Variants in ZPBP observed in about 807,000 individuals in gnomAD.
ZPBP encodes the protein zona pellucida-binding protein 1.
In ZPBP, 26 loss-of-function variants were observed where a neutral mutation model predicts 44.8. That is an observed-to-expected ratio of 0.58 (90% CI 0.43 to 0.81). The LOEUF is 0.81. Among genes scored for constraint, ZPBP ranks in the 30% least tolerant of loss-of-function variants. The probability of loss-of-function intolerance (pLI) is 0.00; values close to 1 mark genes in which losing one functional copy is unlikely to be tolerated. For missense variants in ZPBP, 409 were observed against 434.0 expected (o/e 0.94, Z 0.51); for synonymous variants, 174 against 153.2 (o/e 1.14, Z -1.00).
intron 6 of ZPBP, among the ~76,000 whole-genome samples, chr7:50,015,792 T>C (rs905956781): frequency 4.0e-5 from 6 of 151,796 alleles, no homozygotes; most frequent in Non-Finnish European, 8.8e-5. Context: ...AGCAAGCATA[T>C]GAAAAAGCAT....
chr7:50,038,200 GC>G (rs1357716903), intron 4 of ZPBP, among the ~76,000 whole-genome samples: 1 of 152,192 alleles, frequency 6.6e-6, no homozygotes, highest in Non-Finnish European at 1.5e-5. Context: ...CCCAGCCTCA[GC>G]TTCAGTGCTA....
At chr7:50,020,597 T>G (rs1261984688) in intron 5 of ZPBP, among the ~76,000 whole-genome samples, 1 of 152,106 alleles carries the variant, frequency 6.6e-6, no homozygotes, top group Non-Finnish European at 1.5e-5. Flanking sequence ...TTTAGGCTAG[T>G]TGACTAACCT....
At chr7:50,005,830 T>TGA (rs1410064968) in intron 6 of ZPBP, among the ~76,000 whole-genome samples, 1 of 37,286 alleles carries the variant, frequency 2.7e-5, no homozygotes, top group Non-Finnish European at 9.5e-5. Flanking sequence ...TATATGTGTG[T>TGA]GTGTGTGTGT....
At chr7:50,042,305 A>G (rs565444953) in intron 4 of ZPBP, among the ~76,000 whole-genome samples, 1 of 152,224 alleles carries the variant, frequency 6.6e-6, no homozygotes, top group Non-Finnish European at 1.5e-5. Flanking sequence ...CCAACATTCA[A>G]ATTCAGGAAA....
At chr7:49,997,322 A>G (rs1216328999) in intron 6 of ZPBP, among the ~76,000 whole-genome samples, 3 of 152,192 alleles carry the variant, frequency 2.0e-5, no homozygotes, top group Non-Finnish European at 4.4e-5. Flanking sequence ...TACAATATTA[A>G]CTGCAGAATG....
At chr7:50,090,543 A>T (rs896549617) in intron 1 of ZPBP, among the ~76,000 whole-genome samples, 1 of 151,280 alleles carries the variant, frequency 6.6e-6, no homozygotes, top group Non-Finnish European at 1.5e-5. Flanking sequence ...GTGTGTATAT[A>T]TGTGTGCATA....
chr7:49,853,769 G>A (rs1290989879), intron 2 of ZPBP, among the ~76,000 whole-genome samples: 5 of 151,846 alleles, frequency 3.3e-5, no homozygotes, highest in African/African-American at 7.3e-5. Context: ...CAACGTGCAG[G>A]TTTGTTACAT....
chr7:50,074,543 T>C (rs1801992865), intron 3 of ZPBP, among the ~76,000 whole-genome samples: 1 of 151,770 alleles, frequency 6.6e-6, no homozygotes. Context: ...CCTATAAAGA[T>C]ACACATAGGC....
intron 1 of ZPBP, among the ~76,000 whole-genome samples, chr7:50,090,382 G>T (rs1243936528): frequency 1.3e-5 from 2 of 151,774 alleles, no homozygotes; most frequent in African/African-American, 4.8e-5. Flanking sequence ...ACTTCACTTA[G>T]AATAATAGTC....
chr7:49,996,047 G>A lies in ZPBP; in HGVS notation c.784-12528C>T, dbSNP rs1393203777. On this transcript the variant is annotated intron_variant, in intron 6 of 7. Coordinates refer to ENST00000046087, the MANE Select transcript of ZPBP (RefSeq NM_007009.3). ...CCACACATTAAATTAATAAATGCTCGAGGTGATAGATATTGTAAATGTCCT... is the reference window on the plus strand; with the variant it reads ...CCACACATTAAATTAATAAATGCTCAAGGTGATAGATATTGTAAATGTCCT... Among the ~76,000 whole-genome samples, 5 of 152,190 alleles carry A rather than the reference G, an allele frequency of 3.3e-5. No individual in the cohort carries two copies. In the East Asian group the frequency reaches 5.8e-4, roughly 18 times the overall value.
intron 6 of ZPBP, among the ~76,000 whole-genome samples, chr7:49,989,742 G>T (rs1050108035): frequency 6.6e-6 from 1 of 152,118 alleles, no homozygotes; most frequent in Non-Finnish European, 1.5e-5. Context: ...GGAAAAAAGG[G>T]GTATGGGTAA....
At chr7:49,859,313 TG>T (rs1296737027) in intron 2 of ZPBP, among the ~76,000 whole-genome samples, 8 of 152,242 alleles carry the variant, frequency 5.3e-5, no homozygotes, top group African/African-American at 1.7e-4. Context: ...TTATCTTTTA[TG>T]TTTTTTTATT....
intron 2 of ZPBP, among the ~76,000 whole-genome samples, chr7:49,866,096 TC>T (rs1790872473): frequency 1.3e-5 from 2 of 152,236 alleles, no homozygotes; most frequent in African/African-American, 4.8e-5. Flanking sequence ...GTTTCATTCT[TC>T]CATCCAGCAA....
At chr7:49,873,906 T>A (rs1791284507) in intron 2 of ZPBP, among the ~76,000 whole-genome samples, 1 of 146,454 alleles carries the variant, frequency 6.8e-6, no homozygotes, top group African/African-American at 2.5e-5. Context: ...TATAATTAAG[T>A]AAAAAAAAAA....
rs1300691837 is a variant in ZPBP, at chr7:49,945,366, T to C, written c.962-7744A>G. Among the ~76,000 whole-genome samples the C allele has an allele frequency of 5.3e-5, 8 of 152,128 alleles. No homozygotes were observed. In the East Asian group the frequency reaches 1.2e-3, roughly 22 times the overall value. ...TGAATATGGCTATTAGGTTCATTTG[T>C]TGTATAGTAGAGATTAAGCCTGATA... On this transcript the variant is annotated intron_variant, in intron 7 of 7. Coordinates refer to ENST00000046087, the MANE Select transcript of ZPBP (RefSeq NM_007009.3).
chr7:49,862,513 G>A (rs2128720649), intron 2 of ZPBP, among the ~76,000 whole-genome samples: 1 of 152,186 alleles, frequency 6.6e-6, no homozygotes, highest in Non-Finnish European at 1.5e-5. Context: ...GAATAGCAGT[G>A]GTGAAATTGG....
chr7:49,898,228 CACAA>C (rs920800910), intron 2 of ZPBP, among the ~76,000 whole-genome samples: 4 of 151,792 alleles, frequency 2.6e-5, no homozygotes, highest in Admixed American at 2.0e-4. Flanking sequence ...TATACACACA[CACAA>C]ACACACAGAT....
At chr7:49,857,381 TGAA>T (rs1790469397) in intron 2 of ZPBP, among the ~76,000 whole-genome samples, 1 of 152,234 alleles carries the variant, frequency 6.6e-6, no homozygotes, top group Non-Finnish European at 1.5e-5. Context: ...TTTTTAAGCC[TGAA>T]TATTCCAATG....
chr7:50,058,910 A>G (rs1049477994), intron 3 of ZPBP, among the ~76,000 whole-genome samples: 1 of 152,242 alleles, frequency 6.6e-6, no homozygotes, highest in African/African-American at 2.4e-5. Flanking sequence ...CACAAACTGT[A>G]ACCATGAGTA....
Sources: allele counts gnomAD v4.1 joint callset (sites outside exome capture counted in the v4.1 genomes callset), GRCh38; gene constraint gnomAD v4.1.1; transcripts MANE v1.5; gene names NCBI Gene and HGNC (gene_info 2026-07-23, HGNC 2026-07-21).